Variants in CDH22 observed in about 807,000 individuals in gnomAD.
CDH22 encodes the protein cadherin 22.
A neutral mutation model predicts 58.4 loss-of-function variants in CDH22; 30 were observed. The observed-to-expected ratio is 0.51, with a 90% CI of 0.38 to 0.70. The LOEUF is 0.70. CDH22 is among the 30% of genes least tolerant of loss of function. The pLI, the probability that CDH22 is intolerant of heterozygous loss-of-function variation, is 0.00. For synonymous variants in CDH22, 513 were observed against 558.2 expected (o/e 0.92, Z 1.14); for missense variants, 1,014 against 1,233.9 (o/e 0.82, Z 2.67).
chr20:46,235,996 C>T (rs1267185990), intron 3 of CDH22, among the ~76,000 whole-genome samples: 1 of 152,162 alleles, frequency 6.6e-6, no homozygotes, highest in Non-Finnish European at 1.5e-5. Flanking sequence ...AATCAGACTC[C>T]AGATATTCTC....
rs1255918755 is a variant in CDH22 at position 46,251,246 on chromosome 20, A to G, written c.49T>C (p.Ser17Pro). The change falls in exon 2 of 12, where the codon TCC becomes CCC. Residue 17 changes from serine to proline, a missense_variant. This residue lies in a region of CDH22 where 806 missense variants were observed against 1,038.7 expected (regional missense o/e 0.78). Transcript: ENST00000537909. The surrounding 1 kb of genome is among the most constrained non-coding windows in gnomAD (Gnocchi z 6.7). ...AGCAGCAGCAGCAGTAGCGCGGGGGACAGCGCGACTCCCGCCCGGAGCCCC... is the reference window on the plus strand; with the variant it reads ...AGCAGCAGCAGCAGTAGCGCGGGGGGCAGCGCGACTCCCGCCCGGAGCCCC... ...GRGLRAGVALSPALLLLLLLP... is the reference protein window; with the variant it reads ...GRGLRAGVALPPALLLLLLLP... 1.4e-6 allele frequency: 2 copies of G among 1,470,980 alleles called. No individual in the cohort carries two copies. Among genetic ancestry groups the G allele is most frequent in the Admixed American group, 2.7e-5 (1 of 37,514 alleles). 91.1% of individuals were successfully genotyped at this position (1,470,980 alleles called of 1,614,324 possible).
At chr20:46,306,663 G>C (rs552811803) in intron 1 of CDH22, among the ~76,000 whole-genome samples, 6 of 152,340 alleles carry the variant, frequency 3.9e-5, no homozygotes, top group African/African-American at 1.4e-4. Flanking sequence ...GAAATGGCTG[G>C]GGCAGGGAAC....
At position 46,174,828 on chromosome 20, in the gene CDH22, G is replaced by T. The variant is rs1398364267; in HGVS notation, c.2165C>A (p.Pro722Gln). ...GGSGGGAGSPPQAHLPSERHS... is the reference protein window; with the variant it reads ...GGSGGGAGSPQQAHLPSERHS... ...GCGCTCGGAGGGCAGGTGGGCCTGC[G>T]GGGGGCTGCCCGCGCCCCCGCCCGA... The change falls in exon 12 of 12, where the codon CCG (proline) becomes CAG (glutamine). Residue 722 changes from proline (P) to glutamine (Q), a missense_variant. Physicochemically the swap from Pro to Gln is moderately conservative, Grantham distance 76 (BLOSUM62 -1). Around this residue, in one of 2 missense-constraint regions of CDH22, gnomAD observed 208 missense variants for 195.2 expected, o/e 1.07. Transcript: ENST00000537909. This position sits in a 1 kb window ranked among gnomAD's most constrained non-coding sequence, Gnocchi z 4.4. 7.0e-7 allele frequency: 1 copy of T among 1,431,204 alleles called. No homozygotes were observed. The highest frequency in any genetic ancestry group is 9.1e-7 in the Non-Finnish European group (1 of 1,093,940). The allele number at this position is 1,431,204 out of a possible 1,614,324, so 88.7% of individuals were successfully genotyped here. A position where few individuals can be genotyped will look rare whatever the true frequency, so the allele number is the denominator to read the frequency against.
In CDH22 at chr20:46,251,992, G is replaced by A. The variant is rs6032731; in HGVS notation, c.-399-299C>T. On this transcript the variant is annotated intron_variant, in intron 1 of 11. Coordinates refer to ENST00000537909, the MANE Select transcript of CDH22 (RefSeq NM_021248.3). The surrounding 1 kb of genome is among the most constrained non-coding windows in gnomAD (Gnocchi z 6.7). ...CCGCTCAGCCCTCATGCCCACACAA[G>A]GAGAGACCCTAGTAGGCGGTGCCCC... 3.7e-4 allele frequency among the ~76,000 whole-genome samples: 56 copies of A among 151,930 alleles called. No individual in the cohort carries two copies. The highest frequency in any genetic ancestry group is 7.1e-4 in the Non-Finnish European group (48 of 67,972).
At chr20:46,228,652 C>T (rs941180977) in intron 3 of CDH22, among the ~76,000 whole-genome samples, 3 of 152,128 alleles carry the variant, frequency 2.0e-5, no homozygotes, top group Non-Finnish European at 2.9e-5. Flanking sequence ...AGCTGGAAGA[C>T]TCAAGAGTGA....
At chr20:46,204,116 C>A (rs763890923) in intron 7 of CDH22, among the ~76,000 whole-genome samples, 1 of 151,978 alleles carries the variant, frequency 6.6e-6, no homozygotes, top group African/African-American at 2.4e-5. Context: ...GATAGTAGGC[C>A]GGGCAGGGTG....
intron 1 of CDH22, among the ~76,000 whole-genome samples, chr20:46,284,290 G>A (rs920428955): frequency 2.7e-4 from 41 of 152,152 alleles, no homozygotes; most frequent in African/African-American, 9.2e-4. Context: ...ATTGCAGTTC[G>A]TCTTTGCACC....
chr20:46,215,298 T>C (rs2086076322), intron 5 of CDH22, among the ~76,000 whole-genome samples: 2 of 152,182 alleles, frequency 1.3e-5, no homozygotes, highest in South Asian at 2.1e-4. Context: ...AATTATGGAA[T>C]ACTATACAGC....
intron 8 of CDH22, among the ~76,000 whole-genome samples, chr20:46,198,955 T>C (rs1186874215): frequency 6.6e-6 from 1 of 152,178 alleles, no homozygotes; most frequent in Non-Finnish European, 1.5e-5. Flanking sequence ...CTTCTCTCCT[T>C]GTTTCTTCTT....
chr20:46,196,202 T>G (rs1047154935), intron 8 of CDH22, among the ~76,000 whole-genome samples: 2 of 152,114 alleles, frequency 1.3e-5, no homozygotes, highest in African/African-American at 4.8e-5. Context: ...TGTTTCCTCA[T>G]CTGTAAAATG....
intron 8 of CDH22, among the ~76,000 whole-genome samples, chr20:46,191,273 AC>A (rs1263715969): frequency 1.3e-5 from 2 of 152,078 alleles, no homozygotes; most frequent in African/African-American, 4.8e-5. Flanking sequence ...GAAAGGAAAG[AC>A]TGTCTCAGGC....
intron 1 of CDH22, among the ~76,000 whole-genome samples, chr20:46,275,817 T>C (rs535280003): frequency 3.1e-3 from 464 of 151,310 alleles, no homozygotes; most frequent in Non-Finnish European, 4.7e-3. Flanking sequence ...AAGCCAGTAA[T>C]AGAGGGAAAC....
chr20:46,251,117 C>G lies in CDH22; in HGVS notation c.178G>C (p.Val60Leu). 1 of 1,606,482 alleles carries G rather than the reference C, an allele frequency of 6.2e-7. No homozygotes were observed. The highest frequency in any genetic ancestry group is 8.5e-7 in the Non-Finnish European group (1 of 1,176,488). ...RQDGALGAGR[V>L]KRGWVWNQFF... is the part of the protein sequence containing the mutation. ...TGGTTCCACACCCAGCCGCGTTTGA[C>G]GCGGCCGGCTCCCAGCGCGCCGTCC... Residue 60 changes from valine to leucine, a missense_variant, in exon 2 of 12, where the codon GTC becomes CTC. Around this residue, in one of 2 missense-constraint regions of CDH22, gnomAD observed 806 missense variants for 1,038.7 expected, o/e 0.78. Coordinates refer to ENST00000537909, the MANE Select transcript of CDH22 (RefSeq NM_021248.3). This position sits in a 1 kb window ranked among gnomAD's most constrained non-coding sequence, Gnocchi z 6.7.
rs1371688825 is a variant in CDH22 at position 46,251,934 on chromosome 20, C to T, written c.-399-241G>A. ...ACCTGGCATCATACGCCCTGTACTC[C>T]CAATCTCCTACGCCTTTCTCACAGC... On this transcript the variant is annotated intron_variant, in intron 1 of 11. Coordinates refer to ENST00000537909, the MANE Select transcript of CDH22 (RefSeq NM_021248.3). The surrounding 1 kb of genome is among the most constrained non-coding windows in gnomAD (Gnocchi z 6.7). 6.6e-6 allele frequency among the ~76,000 whole-genome samples: 1 copy of T among 151,992 alleles called. No homozygotes were observed. Among genetic ancestry groups the T allele is most frequent in the African/African-American group, 2.4e-5 (1 of 41,350 alleles).
At position 46,181,833 on chromosome 20, in the gene CDH22, C is replaced by T. The variant is rs112675066; in HGVS notation, c.1664-3636G>A. On this transcript the variant is annotated intron_variant, in intron 10 of 11. Coordinates refer to ENST00000537909, the MANE Select transcript of CDH22 (RefSeq NM_021248.3). ...CTTTCCTTTCTTTCTTCCTTTCTTC[C>T]TTTCACAGAATCTTGCTCTGTCACC... Among the ~76,000 whole-genome samples, 1,164 of 142,884 alleles carry T rather than the reference C, an allele frequency of 8.1e-3. 8 individuals carry two copies. The highest frequency in any genetic ancestry group is 0.02 in the South Asian group (88 of 4,452). 93.7% of individuals were successfully genotyped at this position (142,884 alleles called of 152,430 possible).
At chr20:46,223,817 TCTTCCTTCCTTC>T (rs11287075) in intron 4 of CDH22, among the ~76,000 whole-genome samples, 119,043 of 138,070 alleles carry the variant, frequency 0.86, 51,403 homozygotes, top group Middle Eastern at 0.94. Flanking sequence ...TTTCTTCCTT[TCTTCCTTCCTTC>T]CTTCCTTCCT....
intron 1 of CDH22, among the ~76,000 whole-genome samples, chr20:46,291,440 G>A (rs905798843): frequency 3.6e-4 from 55 of 152,138 alleles, no homozygotes; most frequent in Non-Finnish European, 4.3e-4. Flanking sequence ...CATAATCCCC[G>A]TTTTACAGAT....
At chr20:46,208,894 C>T (rs1325293990) in intron 7 of CDH22, among the ~76,000 whole-genome samples, 1 of 152,212 alleles carries the variant, frequency 6.6e-6, no homozygotes, top group African/African-American at 2.4e-5. Flanking sequence ...CACCCGGCCT[C>T]TATTTTTACA....
intron 7 of CDH22, among the ~76,000 whole-genome samples, chr20:46,207,042 G>C (rs1330062455): frequency 2.0e-5 from 3 of 152,168 alleles, no homozygotes; most frequent in Non-Finnish European, 4.4e-5. Context: ...CTCCACCCCA[G>C]TTCTGTCCTT....
Sources: gnomAD v4.1 joint callset for allele counts (sites outside exome capture counted in the v4.1 genomes callset) on GRCh38, gnomAD v4.1.1 for gene constraint, gnomAD v4.1.1 regional missense constraint, Gnocchi (gnomAD v3.1) non-coding constraint, MANE v1.5 for transcripts, NCBI Gene and HGNC (gene_info 2026-07-23, HGNC 2026-07-21) for gene names.